Variants in KANK1 observed in about 807,000 individuals in gnomAD.
KANK1 encodes KN motif and ankyrin repeat domains 1.
In KANK1, 109 loss-of-function variants were observed where a neutral mutation model predicts 106.2. The ratio of observed to expected loss-of-function variants is 1.03; its 90% CI spans 0.88 to 1.20. The LOEUF (loss-of-function observed/expected upper bound fraction) is 1.20, where lower values mean the gene tolerates loss of function less well. Ranked by LOEUF, KANK1 falls within the 50% of genes most tolerant of loss-of-function variation. KANK1 has a pLI of 0.00. For missense variants in KANK1, 2,399 were observed against 1,710.7 expected, an observed-to-expected ratio of 1.40 and a Z score of -7.10; for synonymous variants, 873 against 652.2, an observed-to-expected ratio of 1.34 and a Z score of -5.16.
At chr9:519,838 C>T (rs1371530247) in intron 1 of KANK1, among the ~76,000 whole-genome samples, 2 of 151,696 alleles carry the variant, frequency 1.3e-5, no homozygotes, top group East Asian at 1.9e-4. Context: ...AGATTTTTCT[C>T]CTCCCCTTAA....
At chr9:632,955 A>T (rs535676727) in intron 1 of KANK1, among the ~76,000 whole-genome samples, 1 of 152,030 alleles carries the variant, frequency 6.6e-6, no homozygotes, top group African/African-American at 2.4e-5. Context: ...CAGCCTCCCA[A>T]AGTGCTGGGA....
chr9:622,624 C>T lies in KANK1; in HGVS notation c.-83-54266C>T, dbSNP rs560289246. On this transcript the variant is annotated intron_variant, in intron 1 of 11. Coordinates refer to ENST00000382297, the MANE Select transcript of KANK1 (RefSeq NM_015158.5). ...TGGATTAAGACTTAACTGTAAGAGG[C>T]CGGGTGCAGTGGCTCATGCCTGTAA... 1.7e-4 allele frequency among the ~76,000 whole-genome samples: 26 copies of T among 152,280 alleles called. No homozygotes were observed. The East Asian group carries it at 4.8e-3, about 28-fold the overall frequency.
chr9:480,391 G>C (rs2058182886), intron 3 of KANK1, among the ~76,000 whole-genome samples: 1 of 152,204 alleles, frequency 6.6e-6, no homozygotes. Flanking sequence ...GTGAATGAAG[G>C]GGAATGTTTA....
rs140288017 is a variant in KANK1, at chr9:745,232, T to C, written c.4056T>C (p.Asp1352=). 1.2e-5 allele frequency: 20 copies of C among 1,614,008 alleles called. No individual in the cohort carries two copies. The highest frequency in any genetic ancestry group is 1.7e-5 in the Admixed American group (1 of 60,002). Residue 1352 remains aspartate, a synonymous_variant, in exon 12 of 12, where the codon GAT becomes GAC. Coordinates refer to ENST00000382297, the MANE Select transcript of KANK1 (RefSeq NM_015158.5). The stretch of plus-strand genomic sequence containing the variant: ...GCCCCACCCACCGAGGTTCATTTGA[T>C]TGATTGTATGCAAATAGCCCTTTAT... ...SPGPTHRGSF[D]
At chr9:653,649 G>C (rs1316409118) in intron 1 of KANK1, among the ~76,000 whole-genome samples, 1 of 152,002 alleles carries the variant, frequency 6.6e-6, no homozygotes, top group East Asian at 1.9e-4. Flanking sequence ...CCTGTCCCTG[G>C]GTTCTGAATG....
intron 1 of KANK1, among the ~76,000 whole-genome samples, chr9:674,985 G>T (rs1297900534): frequency 6.6e-6 from 1 of 151,788 alleles, no homozygotes; most frequent in Non-Finnish European, 1.5e-5. Context: ...GATTACAGGT[G>T]TGAGCCACCG....
At chr9:530,346 T>G (rs796422105) in intron 1 of KANK1, among the ~76,000 whole-genome samples, 1 of 152,356 alleles carries the variant, frequency 6.6e-6, no homozygotes, top group South Asian at 2.1e-4. Context: ...TTGGTACTTT[T>G]GTAGTTTCAA....
chr9:724,756 C>G (rs1236609944), intron 3 of KANK1, among the ~76,000 whole-genome samples: 4 of 151,708 alleles, frequency 2.6e-5, no homozygotes, highest in African/African-American at 7.3e-5. Flanking sequence ...GAGCAGAGAT[C>G]GCGCCACTGC....
chr9:723,993 T>C (rs6477165), intron 3 of KANK1, among the ~76,000 whole-genome samples: 101,920 of 150,452 alleles, frequency 0.68, 35,154 homozygotes, highest in African/African-American at 0.77. Flanking sequence ...GTCCCAGCTA[T>C]TTGGGGGGCT....
rs1016717778 is a variant in KANK1, at chr9:744,493, T to C, written c.3900T>C (p.Asp1300=). The part of the protein sequence containing the change: ...PGCNGHLEDN[D]GSTALSIALE... ...TGTTCTTTCCATCTTATCTTAAGGA[T>C]GGCAGCACTGCGCTCTCAATCGCCC... The change falls in exon 11 of 12, where the codon GAT becomes GAC. Residue 1300 remains aspartate (D), a splice_region_variant and synonymous_variant. Coordinates refer to ENST00000382297, the MANE Select transcript of KANK1 (RefSeq NM_015158.5). 26 of 1,613,182 alleles carry C rather than the reference T, an allele frequency of 1.6e-5. No homozygotes were observed. The highest frequency in any genetic ancestry group is 2.1e-5 in the Non-Finnish European group (25 of 1,179,314).
In KANK1 at chr9:593,022, GACTT is replaced by G. The variant is rs149000860; in HGVS notation, c.-83-83866_-83-83863del. Among the ~76,000 whole-genome samples the G allele has an allele frequency of 2.1e-3, 325 of 151,926 alleles. 9 individuals are homozygous for G. Among genetic ancestry groups the G allele is most frequent in the African/African-American group, 7.5e-3 (308 of 41,224 alleles). Reference sequence around the variant, plus strand: ...AGAAGAAAGAAGACATCATGTGACTGACTTAGGGAGTTGTACTATTTGTTCAATA... The same window carrying G: ...AGAAGAAAGAAGACATCATGTGACTGAGGGAGTTGTACTATTTGTTCAATA... On this transcript the variant is annotated intron_variant, in intron 1 of 11. Coordinates refer to ENST00000382297, the MANE Select transcript of KANK1 (RefSeq NM_015158.5).
At chr9:546,023 A>G (rs2133958120) in intron 1 of KANK1, among the ~76,000 whole-genome samples, 1 of 152,224 alleles carries the variant, frequency 6.6e-6, no homozygotes, top group South Asian at 2.1e-4. Flanking sequence ...CTGGGATTAC[A>G]GGTGTGAGCC....
In KANK1 at chr9:686,709, C is replaced by T. The variant is rs577006947; in HGVS notation, c.37+9700C>T. ...TTGGCAGTGTGAGGGGAAATGGCAG[C>T]ATCACGTCATAAGTGCAATGATTGT... is the stretch of plus-strand genomic sequence containing the variant. On this transcript the variant is annotated intron_variant, in intron 2 of 11. Transcript: ENST00000382297. The T allele has an allele frequency of 2.1e-3, 1,973 of 951,278 alleles. 3 individuals are homozygous for T. Among genetic ancestry groups the T allele is most frequent in the Non-Finnish European group, 2.3e-3 (1,819 of 799,186 alleles). The allele number at this position is 951,278 out of a possible 1,614,324, so 58.9% of individuals were successfully genotyped here.
intron 1 of KANK1, among the ~76,000 whole-genome samples, chr9:593,449 AT>A (rs564677786): frequency 9.4e-6 from 1 of 106,154 alleles, no homozygotes; most frequent in South Asian, 3.8e-4. Flanking sequence ...ATCTTTATAC[AT>A]TCCCCCCCCC....
At chr9:692,384 A>C (rs1372203339) in intron 2 of KANK1, among the ~76,000 whole-genome samples, 1 of 152,248 alleles carries the variant, frequency 6.6e-6, no homozygotes, top group Non-Finnish European at 1.5e-5. Flanking sequence ...AGATTAAAAA[A>C]TAACAAACTA....
At chr9:546,470 C>T (rs550967032) in intron 1 of KANK1, among the ~76,000 whole-genome samples, 21 of 152,144 alleles carry the variant, frequency 1.4e-4, no homozygotes, top group Non-Finnish European at 2.4e-4. Context: ...TGGGAAAAGG[C>T]GGTCAGAGAG....
chr9:490,972 T>TC (rs2058369054), intron 3 of KANK1, among the ~76,000 whole-genome samples: 1 of 150,666 alleles, frequency 6.6e-6, no homozygotes, highest in African/African-American at 2.5e-5. Context: ...TTTTTTTTTT[T>TC]TTTTTGAGAC....
intron 3 of KANK1, among the ~76,000 whole-genome samples, chr9:728,726 A>G (rs1831412106): frequency 2.6e-5 from 4 of 152,226 alleles, no homozygotes. Flanking sequence ...CTTCATCTAC[A>G]TAATAAGAAC....
chr9:568,518 G>A (rs1220750712), intron 1 of KANK1, among the ~76,000 whole-genome samples: 1 of 152,000 alleles, frequency 6.6e-6, no homozygotes, highest in South Asian at 2.1e-4. Context: ...TGGCATGATC[G>A]TCACTCTGTT....
Sources: allele counts gnomAD v4.1 joint callset (sites outside exome capture counted in the v4.1 genomes callset), GRCh38; gene constraint gnomAD v4.1.1; transcripts MANE v1.5; gene names NCBI Gene and HGNC (gene_info 2026-07-23, HGNC 2026-07-21).